The following EXOC6 variants were observed in gnomAD, a reference collection of about 807,000 sequenced individuals.
EXOC6 encodes exocyst complex component 6, also known as SEC15-like 1.
A neutral mutation model predicts 112.5 loss-of-function variants in EXOC6; 60 were observed. The ratio of observed to expected loss-of-function variants is 0.53; its 90% CI spans 0.43 to 0.66. The LOEUF is 0.66. EXOC6 is among the 30% of genes least tolerant of loss of function. The pLI is 0.00. For synonymous variants in EXOC6, 295 were observed against 308.0 expected, an observed-to-expected ratio of 0.96 and a Z score of 0.44; for missense variants, 855 against 957.1, an observed-to-expected ratio of 0.89 and a Z score of 1.41.
At chr10:92,974,827 C>T (rs1395778004) in intron 18 of EXOC6, among the ~76,000 whole-genome samples, 3 of 151,786 alleles carry the variant, frequency 2.0e-5, no homozygotes, top group Admixed American at 6.6e-5. Context: ...CTCGGCCTCC[C>T]GAGGTGCCGG....
chr10:92,890,979 A>T (rs913039407), intron 1 of EXOC6, among the ~76,000 whole-genome samples: 2 of 152,180 alleles, frequency 1.3e-5, no homozygotes, highest in African/African-American at 4.8e-5. Flanking sequence ...GGGAACAAGG[A>T]TGGAATCAGG....
At chr10:92,904,410 TC>T (rs1358207843) in intron 5 of EXOC6, among the ~76,000 whole-genome samples, 3 of 152,078 alleles carry the variant, frequency 2.0e-5, no homozygotes, top group Admixed American at 2.0e-4. Flanking sequence ...TATTTTGCAC[TC>T]CCTCCAGAAT....
chr10:92,862,764 TATTC>T (rs1847970378), intron 1 of EXOC6, among the ~76,000 whole-genome samples: 1 of 152,262 alleles, frequency 6.6e-6, no homozygotes, highest in Non-Finnish European at 1.5e-5. Flanking sequence ...ACATTTTATT[TATTC>T]ATTCATTAGT....
chr10:92,914,437 T>C (rs774910350), intron 6 of EXOC6, among the ~76,000 whole-genome samples: 1 of 152,244 alleles, frequency 6.6e-6, no homozygotes, highest in Non-Finnish European at 1.5e-5. Context: ...ATACAATATG[T>C]AATATTTATA....
At chr10:92,929,964 G>A (rs1055373148) in intron 9 of EXOC6, among the ~76,000 whole-genome samples, 12 of 152,152 alleles carry the variant, frequency 7.9e-5, no homozygotes, top group African/African-American at 2.9e-4. Context: ...AATCCACAGA[G>A]TCAAGTCCAA....
At chr10:92,899,927 A>ATG (rs1336760406) in intron 5 of EXOC6, 4 of 302,550 alleles carry the variant, frequency 1.3e-5, no homozygotes, top group Non-Finnish European at 2.4e-5. Context: ...CAACATACTA[A>ATG]TATTGCATGT....
intron 18 of EXOC6, among the ~76,000 whole-genome samples, chr10:92,995,873 T>G (rs1843461244): frequency 6.6e-6 from 1 of 152,220 alleles, no homozygotes; most frequent in Non-Finnish European, 1.5e-5. Flanking sequence ...CTGTGCATAG[T>G]GTCTAAATGC....
chr10:92,856,507 C>T (rs1847608402), intron 1 of EXOC6, among the ~76,000 whole-genome samples: 1 of 151,794 alleles, frequency 6.6e-6, no homozygotes, highest in South Asian at 2.1e-4. Flanking sequence ...CTAAAATGTC[C>T]TTCTGTTATT....
intron 1 of EXOC6, among the ~76,000 whole-genome samples, chr10:92,827,984 T>G (rs1846413544): frequency 6.6e-6 from 1 of 152,194 alleles, no homozygotes; most frequent in Non-Finnish European, 1.5e-5. Context: ...CATATAACAT[T>G]CCTAGATATT....
chr10:92,996,356 G>A (rs1357036875), intron 18 of EXOC6, among the ~76,000 whole-genome samples: 1 of 152,104 alleles, frequency 6.6e-6, no homozygotes, highest in African/African-American at 2.4e-5. Flanking sequence ...TGCAAAACCT[G>A]TTTAAAAAAA....
intron 18 of EXOC6, among the ~76,000 whole-genome samples, chr10:92,975,677 G>A (rs1354650815): frequency 2.6e-5 from 3 of 116,994 alleles, no homozygotes; most frequent in African/African-American, 3.3e-5. Flanking sequence ...GCCTCTGCCC[G>A]GCAGCCCCTA....
chr10:93,007,901 G>A (rs770271611), intron 19 of EXOC6, among the ~76,000 whole-genome samples: 17 of 152,188 alleles, frequency 1.1e-4, no homozygotes, highest in Non-Finnish European at 2.4e-4. Flanking sequence ...CAGGCCGGGT[G>A]CGGTGGCTCA....
chr10:93,044,885 T>C (rs1386199480), intron 20 of EXOC6, among the ~76,000 whole-genome samples: 2 of 152,128 alleles, frequency 1.3e-5, no homozygotes, highest in African/African-American at 2.4e-5. Context: ...TTTGTTTCTG[T>C]TTTTGGAGAC....
intron 1 of EXOC6, among the ~76,000 whole-genome samples, chr10:92,868,115 C>T (rs775191268): frequency 4.6e-5 from 7 of 151,734 alleles, no homozygotes; most frequent in Non-Finnish European, 7.4e-5. Flanking sequence ...CCCTTTTTAG[C>T]TTGTGAATTT....
chr10:92,943,219 C>T (rs1423916806), intron 13 of EXOC6, among the ~76,000 whole-genome samples: 1 of 151,910 alleles, frequency 6.6e-6, no homozygotes, highest in Non-Finnish European at 1.5e-5. Context: ...GGTGTTTCGC[C>T]GTGTTAGCCA....
chr10:93,035,514 A>C (rs891372829), intron 20 of EXOC6, among the ~76,000 whole-genome samples: 1 of 152,186 alleles, frequency 6.6e-6, no homozygotes, highest in African/African-American at 2.4e-5. Flanking sequence ...TCCCTTGTAC[A>C]CTTCCCCCAG....
At chr10:93,042,733 A>C (rs895001023) in intron 20 of EXOC6, among the ~76,000 whole-genome samples, 7 of 152,172 alleles carry the variant, frequency 4.6e-5, no homozygotes, top group African/African-American at 1.7e-4. Context: ...TGGTAACCCA[A>C]ACAGACTAAG....
At chr10:92,917,929 A>G (rs1330327759) in intron 7 of EXOC6, among the ~76,000 whole-genome samples, 1 of 152,158 alleles carries the variant, frequency 6.6e-6, no homozygotes, top group Non-Finnish European at 1.5e-5. Flanking sequence ...AGGGGGGCAG[A>G]TTGTTTGGGC....
chr10:92,933,674 T>A (rs1468633621), intron 9 of EXOC6, among the ~76,000 whole-genome samples: 1 of 152,206 alleles, frequency 6.6e-6, no homozygotes, highest in Non-Finnish European at 1.5e-5. Flanking sequence ...TCTATATGCC[T>A]TGTTAAAATT....
Sources: gnomAD v4.1 joint callset for allele counts (sites outside exome capture counted in the v4.1 genomes callset) on GRCh38, gnomAD v4.1.1 for gene constraint, MANE v1.5 for transcripts, NCBI Gene and HGNC (gene_info 2026-07-23, HGNC 2026-07-21) for gene names.